GIT1: variants seen among roughly 807,000 people sequenced by gnomAD.
GIT1 encodes the protein GIT ArfGAP 1.
In GIT1, 14 loss-of-function variants were observed where a neutral mutation model predicts 91.7. The ratio of observed to expected loss-of-function variants is 0.15; its 90% CI spans 0.10 to 0.24. The LOEUF is 0.24. GIT1 is among the 10% of genes least tolerant of loss of function. GIT1 has a pLI of 1.00. For missense variants in GIT1, 717 were observed against 1,024.9 expected (o/e 0.70, Z 4.10); for synonymous variants, 414 against 418.2 (o/e 0.99, Z 0.12).
rs1276508892 is a variant in GIT1 at position 29,577,218 on chromosome 17, G to A, written c.1011C>T (p.Ala337=). 3 of 1,613,746 alleles carry A rather than the reference G, an allele frequency of 1.9e-6. No homozygotes were observed. Among genetic ancestry groups the A allele is most frequent in the Non-Finnish European group, 1.7e-6 (2 of 1,180,018 alleles). ...CGATGATCAAGGTGGCAAACTCTCG[G>A]GCATTAAAGCGGGCCAGCTTTTGTC... is the stretch of plus-strand genomic sequence containing the variant. ...QGRQKLARFN[A]REFATLIIDI... is the part of the protein sequence containing the mutation. The change falls in exon 11 of 20, where the codon GCC becomes GCT. Residue 337 remains alanine (A), a synonymous_variant. Coordinates refer to ENST00000225394, the MANE Select transcript of GIT1 (RefSeq NM_014030.4).
chr17:29,581,876 C>A lies in GIT1; in HGVS notation c.624-40G>T. The stretch of plus-strand genomic sequence containing the variant: ...TATGGCTCAGACCTGCAGCAGCAGC[C>A]CTCACCCACACCCCCACCCACCCAC... On this transcript the variant is annotated intron_variant, in intron 5 of 19. Coordinates refer to ENST00000225394, the MANE Select transcript of GIT1 (RefSeq NM_014030.4). This position sits in a 1 kb window ranked among gnomAD's most constrained non-coding sequence, Gnocchi z 4.8. 6.2e-7 allele frequency: 1 copy of A among 1,608,074 alleles called. No homozygotes were observed. Among genetic ancestry groups the A allele is most frequent in the Non-Finnish European group, 8.5e-7 (1 of 1,175,854 alleles).
chr17:29,588,923 G>A (rs2033699218), intron 1 of GIT1, among the ~76,000 whole-genome samples: 1 of 152,166 alleles, frequency 6.6e-6, no homozygotes, highest in South Asian at 2.1e-4. Context: ...CAAGACGCGG[G>A]GGTGGCACTG....
chr17:29,576,154 C>G (rs201494901), intron 14 of GIT1, 23 bp from the exon 15 acceptor site: 83 of 1,612,856 alleles, frequency 5.1e-5, no homozygotes, highest in South Asian at 6.6e-5. Context: ...GCACAGCGAG[C>G]GTCATGGTGG....
chr17:29,581,676 C>T lies in GIT1; in HGVS notation c.718+66G>A. The T allele has an allele frequency of 7.8e-7, 1 of 1,290,254 alleles. No homozygotes were observed. Among genetic ancestry groups the T allele is most frequent in the Non-Finnish European group, 1.1e-6 (1 of 899,790 alleles). The allele number at this position is 1,290,254 out of a possible 1,614,324, so 79.9% of individuals were successfully genotyped here. ...CCATGGCACCTGCTGCCGGGTGCGT[C>T]CAGGTCCCACCTGCCCAGCCCCAGC... On this transcript the variant is annotated intron_variant, in intron 6 of 19. Transcript: ENST00000225394. This position sits in a 1 kb window ranked among gnomAD's most constrained non-coding sequence, Gnocchi z 4.8.
chr17:29,579,263 G>C (rs1451854501), intron 7 of GIT1: 4 of 511,896 alleles, frequency 7.8e-6, no homozygotes, highest in East Asian at 3.2e-5. Context: ...AAGCTCCCCA[G>C]GTTCCTCAAT....
Position 29,577,711 on chromosome 17 carries a change from C to G in GIT1, c.915G>C (p.Leu305=). ...VWLATQNHST[L]VTERSAVPFL... ...AGGGCACGGCACTGCGCTCTGTCACCAGAGTGCTGTGGTTTTGGGTAGCCA... is the reference window on the plus strand; with the variant it reads ...AGGGCACGGCACTGCGCTCTGTCACGAGAGTGCTGTGGTTTTGGGTAGCCA... Residue 305 remains leucine, a synonymous_variant, in exon 10 of 20, where the codon CTG becomes CTC. Transcript: ENST00000225394. 1 of 1,612,842 alleles carries G rather than the reference C, an allele frequency of 6.2e-7. No individual in the cohort carries two copies. Among genetic ancestry groups the G allele is most frequent in the Admixed American group, 1.7e-5 (1 of 60,004 alleles).
Position 29,583,521 on chromosome 17 carries a change from G to A in GIT1, c.148C>T (p.His50Tyr), listed in dbSNP as rs2033475974. 1 of 1,612,468 alleles carries A rather than the reference G, an allele frequency of 6.2e-7. No individual in the cohort carries two copies. Among genetic ancestry groups the A allele is most frequent in the Non-Finnish European group, 8.5e-7 (1 of 1,179,946 alleles). Residue 50 changes from histidine (H) to tyrosine (Y), a missense_variant, in exon 2 of 20, where the codon CAC (histidine) becomes TAC (tyrosine). Physicochemically the swap from His to Tyr is moderately conservative, Grantham distance 83 (BLOSUM62 2). Coordinates refer to ENST00000225394, the MANE Select transcript of GIT1 (RefSeq NM_014030.4). ...SLGRHISIVK[H>Y]LRHSAWPPTL... is the part of the protein sequence containing the mutation. ...GGAGGCCAGGCGCTGTGGCGAAGGTGCTTGACAATGGAGATGTGGCGTCCC... is the reference window on the plus strand; with the variant it reads ...GGAGGCCAGGCGCTGTGGCGAAGGTACTTGACAATGGAGATGTGGCGTCCC...
chr17:29,585,091 C>T (rs9646435), intron 1 of GIT1, among the ~76,000 whole-genome samples: 4,513 of 151,706 alleles, frequency 0.03, 129 homozygotes, highest in African/African-American at 0.074. Flanking sequence ...ACCGCCAACA[C>T]CTTCCTGGGG....
chr17:29,582,098 C>T lies in GIT1; in HGVS notation c.452G>A (p.Arg151His). 2 of 1,601,882 alleles carry T rather than the reference C, an allele frequency of 1.2e-6. No homozygotes were observed. The highest frequency in any genetic ancestry group is 1.7e-6 in the Non-Finnish European group (2 of 1,178,806). The change falls in exon 5 of 20, where the codon CGC becomes CAC. Residue 151 changes from arginine (R) to histidine (H), a missense_variant. Physicochemically the swap from Arg to His is conservative, Grantham distance 29. Transcript: ENST00000225394. ...VRTGNLETCL[R>H]LLSLGAQANF... ...GGCCTGGGCACCCAGGGAGAGCAGG[C>T]GCAGACATGTCTCCAGGTTGCCTGT...
In GIT1 at chr17:29,582,153, A is replaced by T. The variant is rs2033419851; in HGVS notation, c.406-9T>A. 6.5e-7 allele frequency: 1 copy of T among 1,548,504 alleles called. No homozygotes were observed. Among genetic ancestry groups the T allele is most frequent in the Non-Finnish European group, 8.7e-7 (1 of 1,152,926 alleles). ...ACGCTCGAGTGTAGTTGCTAAGAGG[A>T]GCAGAGTGTGCAGTGAATACGCATG... On this transcript the variant is annotated splice_polypyrimidine_tract_variant and intron_variant, in intron 4 of 19. Transcript: ENST00000225394.
rs143703920 is a variant in GIT1, at chr17:29,581,305, G to T, written c.761+33C>A. ...TCAGCCACCCACATGGCATCCAACA[G>T]CCTCTGGAAAGGGGCATCAGGTGGG... On this transcript the variant is annotated intron_variant, in intron 7 of 19. Transcript: ENST00000225394. This position sits in a 1 kb window ranked among gnomAD's most constrained non-coding sequence, Gnocchi z 4.8. 1 of 1,572,522 alleles carries T rather than the reference G, an allele frequency of 6.4e-7. No individual in the cohort carries two copies. The highest frequency in any genetic ancestry group is 1.7e-5 in the Admixed American group (1 of 59,964).
At chr17:29,582,183 T>C (rs2033421914) in intron 4 of GIT1, 39 bp from the exon 5 acceptor site, 2 of 1,434,200 alleles carry the variant, frequency 1.4e-6, no homozygotes, top group Non-Finnish European at 1.9e-6. Flanking sequence ...CGCATGTGCG[T>C]GAGGCGCACC....
At position 29,589,399 on chromosome 17, in the gene GIT1, C is replaced by A; in HGVS notation, c.-21G>T. On this transcript the variant is annotated 5_prime_UTR_variant, in exon 1 of 20. Transcript: ENST00000225394. This position sits in a 1 kb window ranked among gnomAD's most constrained non-coding sequence, Gnocchi z 5.2. ...GACATCCTCAGCGGCGACGCGGCCGCAGCCCTCTGGGCCAGCGTGGGGGGC... is the reference window on the plus strand; with the variant it reads ...GACATCCTCAGCGGCGACGCGGCCGAAGCCCTCTGGGCCAGCGTGGGGGGC... The A allele has an allele frequency of 9.7e-7, 1 of 1,030,470 alleles. No homozygotes were observed. The allele number at this position is 1,030,470 out of a possible 1,614,324, so 63.8% of individuals were successfully genotyped here. A position where few individuals can be genotyped will look rare whatever the true frequency, so the allele number is the denominator to read the frequency against.
intron 1 of GIT1, among the ~76,000 whole-genome samples, chr17:29,587,124 G>A (rs546366334): frequency 6.6e-6 from 1 of 152,156 alleles, no homozygotes; most frequent in Non-Finnish European, 1.5e-5. Flanking sequence ...TGTGACCCTG[G>A]GGTGGAGCGA....
At chr17:29,587,189 C>T (rs2150855154) in intron 1 of GIT1, among the ~76,000 whole-genome samples, 1 of 152,276 alleles carries the variant, frequency 6.6e-6, no homozygotes, top group Non-Finnish European at 1.5e-5. Context: ...TACCCTCATG[C>T]CTCTCTGCCT....
At position 29,576,457 on chromosome 17, in the gene GIT1, G is replaced by A; in HGVS notation, c.1381-7C>T. The A allele has an allele frequency of 1.2e-6, 2 of 1,612,788 alleles. No homozygotes were observed. The highest frequency in any genetic ancestry group is 2.2e-5 in the South Asian group (2 of 91,052). On this transcript the variant is annotated splice_polypyrimidine_tract_variant and splice_region_variant and intron_variant, in intron 13 of 19. Transcript: ENST00000225394. ...CCGCCTGCAGCTTGTGGATCTATGGGTGCAAAGTGCTGTCAACCCCCTGGA... is the reference window on the plus strand; with the variant it reads ...CCGCCTGCAGCTTGTGGATCTATGGATGCAAAGTGCTGTCAACCCCCTGGA...
In GIT1 at chr17:29,578,313, C is replaced by T. The variant is rs767397404; in HGVS notation, c.869G>A (p.Arg290Lys). The T allele has an allele frequency of 6.2e-7, 1 of 1,613,950 alleles. No homozygotes were observed. The highest frequency in any genetic ancestry group is 8.5e-7 in the Non-Finnish European group (1 of 1,179,930). The change falls in exon 9 of 20, where the codon AGA becomes AAA. Residue 290 changes from arginine (R) to lysine (K), a missense_variant. Arg to Lys is a conservative substitution (Grantham distance 26). This residue lies in a region of GIT1 where 271 missense variants were observed against 451.6 expected (regional missense o/e 0.60). Transcript: ENST00000225394. ...AMDVYDEVDR[R>K]ENDAVWLATQ... Reference sequence around the variant, plus strand: ...CCCTGACTCACCTGCATCATTTTCTCTTCGATCCACCTCGTCATACACGTC... The same window carrying T: ...CCCTGACTCACCTGCATCATTTTCTTTTCGATCCACCTCGTCATACACGTC...
Position 29,581,924 on chromosome 17 carries a change from C to A in GIT1, c.623+3G>T, listed in dbSNP as rs1448281019. ...CACACTGCACCCTTCAGCCGACCCT[C>A]ACCTGGCATAGTCAATGGGTGTGCG... On this transcript the variant is annotated splice_donor_region_variant and intron_variant, in intron 5 of 19. Coordinates refer to ENST00000225394, the MANE Select transcript of GIT1 (RefSeq NM_014030.4). The surrounding 1 kb of genome is among the most constrained non-coding windows in gnomAD (Gnocchi z 4.8). 2 of 1,612,036 alleles carry A rather than the reference C, an allele frequency of 1.2e-6. No homozygotes were observed. Among genetic ancestry groups the A allele is most frequent in the East Asian group, 2.2e-5 (1 of 44,824 alleles).
chr17:29,581,185 A>C lies in GIT1; in HGVS notation c.761+153T>G. 1 of 661,498 alleles carries C rather than the reference A, an allele frequency of 1.5e-6. No homozygotes were observed. Among genetic ancestry groups the C allele is most frequent in the South Asian group, 1.6e-5 (1 of 61,522 alleles). 41.0% of individuals were successfully genotyped at this position (661,498 alleles called of 1,614,324 possible). On this transcript the variant is annotated intron_variant, in intron 7 of 19. Coordinates refer to ENST00000225394, the MANE Select transcript of GIT1 (RefSeq NM_014030.4). This position sits in a 1 kb window ranked among gnomAD's most constrained non-coding sequence, Gnocchi z 4.8. ...ACATTTTTTACCTGCCTTGGGGCCC[A>C]GCATTAGGGACTGAGGACTAAGCTG...
Sources: allele counts gnomAD v4.1 joint callset (sites outside exome capture counted in the v4.1 genomes callset), GRCh38; gene constraint gnomAD v4.1.1; regional missense constraint gnomAD v4.1.1; non-coding constraint Gnocchi (gnomAD v3.1); transcripts MANE v1.5; gene names NCBI Gene and HGNC (gene_info 2026-07-23, HGNC 2026-07-21).